Variants in LEPR observed in about 807,000 individuals in gnomAD.
The protein encoded by LEPR is leptin receptor.
Under a neutral mutation model 114.7 loss-of-function variants are expected in LEPR, and 56 were observed. The observed-to-expected ratio is 0.49, with a 90% CI of 0.39 to 0.61. The LOEUF is 0.61. Among genes scored for constraint, LEPR ranks in the 20% least tolerant of loss-of-function variants. The pLI is 0.00. For synonymous variants in LEPR, 443 were observed against 461.4 expected, an observed-to-expected ratio of 0.96 and a Z score of 0.51; for missense variants, 1,202 against 1,352.9, an observed-to-expected ratio of 0.89 and a Z score of 1.75.
chr1:65,635,092 A>T (rs1658671706), intron 19 of LEPR: 2 of 902,432 alleles, frequency 2.2e-6, no homozygotes, highest in Non-Finnish European at 2.7e-6. Context: ...TGCTAAATAA[A>T]TTGTATTGTA....
chr1:65,458,676 C>A (rs900170252), intron 2 of LEPR, among the ~76,000 whole-genome samples: 1 of 151,536 alleles, frequency 6.6e-6, no homozygotes, highest in African/African-American at 2.4e-5. Flanking sequence ...GTAGATATTT[C>A]TTGGTATTTT....
chr1:65,572,778 T>C (rs563037035), intron 5 of LEPR, among the ~76,000 whole-genome samples: 1 of 152,266 alleles, frequency 6.6e-6, no homozygotes, highest in South Asian at 2.1e-4. Context: ...CTTAAACAGG[T>C]GAAACGTAGT....
intron 2 of LEPR, among the ~76,000 whole-genome samples, chr1:65,540,747 C>T (rs1449450204): frequency 6.6e-6 from 1 of 152,204 alleles, no homozygotes; most frequent in Admixed American, 6.5e-5. Flanking sequence ...GCTGATCGCT[C>T]TCTCATTCAC....
intron 6 of LEPR, among the ~76,000 whole-genome samples, chr1:65,596,014 A>G (rs562532882): frequency 8.7e-4 from 133 of 152,206 alleles, no homozygotes; most frequent in Non-Finnish European, 1.4e-3. Context: ...AGACAAGCTG[A>G]ATTTTGGGTA....
At position 65,464,923 on chromosome 1, in the gene LEPR, T is replaced by G. The variant is rs980536514; in HGVS notation, c.-21+39545T>G. Among the ~76,000 whole-genome samples, 60 of 152,318 alleles carry G rather than the reference T, an allele frequency of 3.9e-4. 1 individual carries two copies. Among genetic ancestry groups the G allele is most frequent in the East Asian group, 3.9e-4 (2 of 5,184 alleles). On this transcript the variant is annotated intron_variant, in intron 2 of 19. Transcript: ENST00000349533. ...TCAATTTGATTCTTCTCTCTTTTCTTCTTTATTAGTCTTGCTAGCGGTCTA... is the reference window on the plus strand; with the variant it reads ...TCAATTTGATTCTTCTCTCTTTTCTGCTTTATTAGTCTTGCTAGCGGTCTA...
chr1:65,516,637 C>T (rs192646833), intron 2 of LEPR, among the ~76,000 whole-genome samples: 34 of 152,340 alleles, frequency 2.2e-4, no homozygotes, highest in African/African-American at 7.9e-4. Flanking sequence ...CTAATGTTTA[C>T]TTTGGTCTCA....
In LEPR at chr1:65,641,302, T is replaced by C. The variant is rs1644865388; in HGVS notation, c.*4287T>C. The C allele has an allele frequency of 6.6e-6, 1 of 152,238 alleles. No individual in the cohort carries two copies. Among genetic ancestry groups the C allele is most frequent in the Non-Finnish European group, 1.5e-5 (1 of 68,040 alleles). The allele number at this position is 152,238 out of a possible 1,614,324, so 9.4% of individuals were successfully genotyped here. On this transcript the variant is annotated 3_prime_UTR_variant, in exon 20 of 20. Transcript: ENST00000349533. The stretch of plus-strand genomic sequence containing the variant: ...TAGTGAGATATCTATATTGTAGATA[T>C]TGTACTTTTAAAACCTGTCATTAAG...
intron 2 of LEPR, among the ~76,000 whole-genome samples, chr1:65,446,749 T>C (rs1363565933): frequency 6.6e-6 from 1 of 152,202 alleles, no homozygotes; most frequent in Non-Finnish European, 1.5e-5. Context: ...TTCTTTTTTC[T>C]TTTTCCTAAC....
intron 15 of LEPR, among the ~76,000 whole-genome samples, chr1:65,617,229 G>A (rs1657581477): frequency 6.6e-6 from 1 of 152,108 alleles, no homozygotes; most frequent in South Asian, 2.1e-4. Context: ...TTTGCAAACT[G>A]AGAGATAAGG....
chr1:65,637,213 A>T lies in LEPR; in HGVS notation c.*198A>T, dbSNP rs2101048118. 1.9e-6 allele frequency: 1 copy of T among 519,622 alleles called. No individual in the cohort carries two copies. The highest frequency in any genetic ancestry group is 3.3e-6 in the Non-Finnish European group (1 of 302,240). The allele number at this position is 519,622 out of a possible 1,614,324, so 32.2% of individuals were successfully genotyped here. A position where few individuals can be genotyped will look rare whatever the true frequency, so the allele number is the denominator to read the frequency against. On this transcript the variant is annotated 3_prime_UTR_variant, in exon 20 of 20. Transcript: ENST00000349533. The stretch of plus-strand genomic sequence containing the variant: ...AGCCTTCATAAGCCTACCAATGTAG[A>T]CACGCTCTTCTATTTTATTCCCAAG...
At chr1:65,449,054 C>T (rs565264826) in intron 2 of LEPR, among the ~76,000 whole-genome samples, 1 of 152,214 alleles carries the variant, frequency 6.6e-6, no homozygotes, top group South Asian at 2.1e-4. Flanking sequence ...CCACCAAGCC[C>T]AGCTAATTTT....
chr1:65,470,336 G>A (rs1180116622), intron 2 of LEPR, among the ~76,000 whole-genome samples: 1 of 152,178 alleles, frequency 6.6e-6, no homozygotes, highest in Non-Finnish European at 1.5e-5. Context: ...CAGAGGCCAG[G>A]AAATTGGCAG....
At chr1:65,503,177 C>T (rs1289760951) in intron 2 of LEPR, among the ~76,000 whole-genome samples, 1 of 151,976 alleles carries the variant, frequency 6.6e-6, no homozygotes, top group Non-Finnish European at 1.5e-5. Context: ...ACAGGTGAAG[C>T]ACAAAGGATA....
intron 5 of LEPR, among the ~76,000 whole-genome samples, chr1:65,589,655 C>T (rs1188675711): frequency 6.6e-6 from 1 of 151,860 alleles, no homozygotes; most frequent in Non-Finnish European, 1.5e-5. Context: ...TCCATTGTTC[C>T]AGCACAATTT....
chr1:65,609,216 T>C (rs1657016174), intron 12 of LEPR, among the ~76,000 whole-genome samples: 1 of 152,150 alleles, frequency 6.6e-6, no homozygotes, highest in Non-Finnish European at 1.5e-5. Context: ...GTATACATAT[T>C]ACATATTCAA....
chr1:65,452,776 G>A (rs1646805606), intron 2 of LEPR, among the ~76,000 whole-genome samples: 1 of 152,028 alleles, frequency 6.6e-6, no homozygotes, highest in Non-Finnish European at 1.5e-5. Context: ...TTTGGTATCA[G>A]GATGATGCTG....
rs982458373 is a variant in LEPR, at chr1:65,572,441, A to G, written c.486A>G (p.Leu162=). The stretch of plus-strand genomic sequence containing the variant: ...ATTATAACTATAAGGTCCATCTTTT[A>G]TATGTTCTGTAAGTACCAAATAATT... The part of the protein sequence containing the change: ...FRNYNYKVHL[L]YVLPEVLEDS... Residue 162 remains leucine, a synonymous_variant, in exon 5 of 20, where the codon TTA becomes TTG. Transcript: ENST00000349533. The G allele has an allele frequency of 1.9e-6, 3 of 1,596,144 alleles. No individual in the cohort carries two copies. The highest frequency in any genetic ancestry group is 2.6e-6 in the Non-Finnish European group (3 of 1,167,842).
intron 14 of LEPR, among the ~76,000 whole-genome samples, chr1:65,614,896 G>A (rs1282116675): frequency 1.3e-5 from 2 of 152,056 alleles, no homozygotes; most frequent in Non-Finnish European, 2.9e-5. Context: ...TGGAAGAAAT[G>A]GCTAATTTTA....
intron 2 of LEPR, among the ~76,000 whole-genome samples, chr1:65,558,196 G>A (rs1469070601): frequency 6.6e-6 from 1 of 152,068 alleles, no homozygotes; most frequent in Non-Finnish European, 1.5e-5. Flanking sequence ...TAAAAAGCAG[G>A]GAGGAATTTG....
Sources: allele counts gnomAD v4.1 joint callset (sites outside exome capture counted in the v4.1 genomes callset), GRCh38; gene constraint gnomAD v4.1.1; transcripts MANE v1.5; gene names NCBI Gene and HGNC (gene_info 2026-07-23, HGNC 2026-07-21).